Variants in DNER observed in about 807,000 individuals in gnomAD.
DNER encodes the protein delta/notch like EGF repeat containing, also known as delta and Notch-like epidermal growth factor-related receptor.
DNER carries 33 observed loss-of-function variants against 78.2 expected under a neutral mutation model. That is an observed-to-expected ratio of 0.42 (90% CI 0.32 to 0.56). The LOEUF is 0.56. Ranked by LOEUF, DNER falls within the 20% of genes least tolerant of loss-of-function variation. The probability of loss-of-function intolerance (pLI) is 0.11; values close to 1 mark genes in which losing one functional copy is unlikely to be tolerated. For missense variants in DNER, 918 were observed against 975.3 expected, an observed-to-expected ratio of 0.94 and a Z score of 0.78; for synonymous variants, 417 against 384.8, an observed-to-expected ratio of 1.08 and a Z score of -0.98.
At chr2:229,361,144 C>T (rs1692200467) in intron 12 of DNER, among the ~76,000 whole-genome samples, 1 of 152,106 alleles carries the variant, frequency 6.6e-6, no homozygotes, top group African/African-American at 2.4e-5. Flanking sequence ...ATCTCCTACA[C>T]CTCTCACAGT....
intron 7 of DNER, among the ~76,000 whole-genome samples, chr2:229,475,079 C>A (rs1455298039): frequency 6.6e-6 from 1 of 152,230 alleles, no homozygotes; most frequent in Non-Finnish European, 1.5e-5. Context: ...GAATTCAGCA[C>A]TTAGCCAGGC....
intron 1 of DNER, among the ~76,000 whole-genome samples, chr2:229,609,207 G>C (rs1419094019): frequency 6.6e-6 from 1 of 152,166 alleles, no homozygotes; most frequent in Non-Finnish European, 1.5e-5. Context: ...TGGGCAACAA[G>C]AGTGAAACTC....
chr2:229,529,480 G>A (rs1437484441), intron 5 of DNER, among the ~76,000 whole-genome samples: 1 of 152,252 alleles, frequency 6.6e-6, no homozygotes, highest in East Asian at 1.9e-4. Flanking sequence ...TTCAGCTGGT[G>A]CTTTCATGAC....
At chr2:229,638,337 T>C (rs1252266140) in intron 1 of DNER, among the ~76,000 whole-genome samples, 2 of 152,178 alleles carry the variant, frequency 1.3e-5, no homozygotes, top group Non-Finnish European at 2.9e-5. Context: ...AGATTACCTA[T>C]AGTAATCAAA....
intron 7 of DNER, among the ~76,000 whole-genome samples, chr2:229,465,338 C>T (rs1047190644): frequency 1.7e-4 from 26 of 152,104 alleles, no homozygotes; most frequent in African/African-American, 6.3e-4. Context: ...GAACAGAAGA[C>T]CAAGCACCAC....
intron 1 of DNER, among the ~76,000 whole-genome samples, chr2:229,664,463 C>A (rs541066267): frequency 1.3e-5 from 2 of 152,052 alleles, no homozygotes; most frequent in African/African-American, 4.8e-5. Flanking sequence ...GGCAACATAG[C>A]AAGTCCCCAT....
chr2:229,421,518 GTATATC>G (rs1007376279), intron 8 of DNER, among the ~76,000 whole-genome samples: 28 of 149,484 alleles, frequency 1.9e-4, no homozygotes, highest in African/African-American at 5.9e-4. Flanking sequence ...ACCACTATCT[GTATATC>G]TATATCTATA....
chr2:229,623,144 A>C (rs1385503417), intron 1 of DNER, among the ~76,000 whole-genome samples: 8 of 152,030 alleles, frequency 5.3e-5, no homozygotes, highest in Non-Finnish European at 7.4e-5. Flanking sequence ...TGGTGGGAGC[A>C]TTCTCCCTAT....
chr2:229,494,495 G>T lies in DNER; in HGVS notation c.1148-17242C>A, dbSNP rs2042138. On this transcript the variant is annotated intron_variant, in intron 6 of 12. Transcript: ENST00000341772. ...CTAGCAAGGCAAAATCCATCAGAAC[G>T]TAACAGCTCAAGAGCAATCCTCTTT... Among the ~76,000 whole-genome samples, 1,319 of 152,164 alleles carry T rather than the reference G, an allele frequency of 8.7e-3. 18 individuals are homozygous for T. Among genetic ancestry groups the T allele is most frequent in the African/African-American group, 0.03 (1,243 of 41,508 alleles).
intron 11 of DNER, among the ~76,000 whole-genome samples, chr2:229,382,165 C>A (rs1692753721): frequency 6.6e-6 from 1 of 152,174 alleles, no homozygotes; most frequent in African/African-American, 2.4e-5. Flanking sequence ...AGACCCACAG[C>A]AGAGGGGTCT....
intron 4 of DNER, among the ~76,000 whole-genome samples, chr2:229,562,139 C>T (rs1696972816): frequency 1.3e-5 from 2 of 152,244 alleles, no homozygotes; most frequent in South Asian, 4.2e-4. Context: ...CTCTCTATTG[C>T]AACAGCTTAT....
intron 8 of DNER, among the ~76,000 whole-genome samples, chr2:229,441,318 A>G (rs1694230389): frequency 6.6e-6 from 1 of 152,172 alleles, no homozygotes; most frequent in Non-Finnish European, 1.5e-5. Context: ...TACTTCAAGC[A>G]TTTTAATTAA....
At chr2:229,590,902 C>T (rs977223799) in intron 2 of DNER, among the ~76,000 whole-genome samples, 6 of 152,206 alleles carry the variant, frequency 3.9e-5, no homozygotes, top group Non-Finnish European at 8.8e-5. Flanking sequence ...GACTTAGCAC[C>T]GTCCCCTTGG....
chr2:229,669,009 G>C (rs1699160670), intron 1 of DNER, among the ~76,000 whole-genome samples: 1 of 152,062 alleles, frequency 6.6e-6, no homozygotes. Context: ...AGAAAATGTT[G>C]CACATATACA....
intron 6 of DNER, among the ~76,000 whole-genome samples, chr2:229,479,712 C>CAAA (rs1023070502): frequency 2.5e-5 from 2 of 79,774 alleles, no homozygotes; most frequent in African/African-American, 4.7e-5. Context: ...GACTTTGTCT[C>CAAA]AAAAAAAAAA....
At chr2:229,492,661 A>AT (rs147785270) in intron 6 of DNER, among the ~76,000 whole-genome samples, 18,975 of 151,952 alleles carry the variant, frequency 0.12, 1,325 homozygotes, top group South Asian at 0.2. Context: ...CTCACAACTC[A>AT]TTTTTTACTT....
intron 4 of DNER, among the ~76,000 whole-genome samples, chr2:229,578,704 G>A (rs1697344339): frequency 6.6e-6 from 1 of 152,068 alleles, no homozygotes; most frequent in South Asian, 2.1e-4. Context: ...CACTCTCTCT[G>A]TCAAATTTAC....
intron 6 of DNER, among the ~76,000 whole-genome samples, chr2:229,496,763 T>C (rs1695511783): frequency 6.6e-6 from 1 of 152,164 alleles, no homozygotes; most frequent in Non-Finnish European, 1.5e-5. Context: ...ATAACAATTA[T>C]AAATATATAT....
At chr2:229,537,278 C>T (rs912974343) in intron 5 of DNER, among the ~76,000 whole-genome samples, 1 of 152,106 alleles carries the variant, frequency 6.6e-6, no homozygotes, top group Non-Finnish European at 1.5e-5. Flanking sequence ...TGTTTTTTCT[C>T]GTAGTGAACA....
Sources: allele counts gnomAD v4.1 joint callset (sites outside exome capture counted in the v4.1 genomes callset), GRCh38; gene constraint gnomAD v4.1.1; transcripts MANE v1.5; gene names NCBI Gene and HGNC (gene_info 2026-07-23, HGNC 2026-07-21).